Variants in SLIT2 observed in about 807,000 individuals in gnomAD.
SLIT2 encodes the protein slit homolog 2 protein.
A neutral mutation model predicts 185.7 loss-of-function variants in SLIT2; 41 were observed. The ratio of observed to expected loss-of-function variants is 0.22; its 90% CI spans 0.17 to 0.29. SLIT2 has a LOEUF of 0.29. Ranked by LOEUF, SLIT2 falls within the 10% of genes least tolerant of loss-of-function variation. The probability of loss-of-function intolerance (pLI) is 1.00; values close to 1 mark genes in which losing one functional copy is unlikely to be tolerated. For synonymous variants in SLIT2, 693 were observed against 680.2 expected, an observed-to-expected ratio of 1.02 and a Z score of -0.29; for missense variants, 1,571 against 1,909.0, an observed-to-expected ratio of 0.82 and a Z score of 3.30.
chr4:20,588,807 G>A (rs765371977), intron 29 of SLIT2, among the ~76,000 whole-genome samples: 3 of 152,128 alleles, frequency 2.0e-5, no homozygotes, highest in Non-Finnish European at 2.9e-5. Flanking sequence ...TAGAATCTGC[G>A]TGGTTATGCC....
intron 4 of SLIT2, among the ~76,000 whole-genome samples, chr4:20,300,378 A>G (rs1443687886): frequency 6.6e-6 from 1 of 152,144 alleles, no homozygotes; most frequent in Non-Finnish European, 1.5e-5. Flanking sequence ...TAAGATTACA[A>G]AAACATTCAA....
chr4:20,547,576 G>A (rs1192509299), intron 22 of SLIT2, among the ~76,000 whole-genome samples: 2 of 151,608 alleles, frequency 1.3e-5, no homozygotes, highest in Non-Finnish European at 2.9e-5. Flanking sequence ...TTTTAATAAA[G>A]GAATAGATTA....
intron 4 of SLIT2, among the ~76,000 whole-genome samples, chr4:20,419,001 T>C (rs1727938720): frequency 6.6e-6 from 1 of 152,198 alleles, no homozygotes; most frequent in Non-Finnish European, 1.5e-5. Context: ...CTGTTTCCCT[T>C]AAATGCATAC....
At chr4:20,486,991 A>C (rs1717303893) in intron 7 of SLIT2, among the ~76,000 whole-genome samples, 1 of 151,986 alleles carries the variant, frequency 6.6e-6, no homozygotes, top group African/African-American at 2.4e-5. Flanking sequence ...CAAAGCATCA[A>C]ACTTCTTGAA....
rs1560452564 is a variant in SLIT2, at chr4:20,472,266, A to ATG, written c.467+4443_467+4444insTG. On this transcript the variant is annotated intron_variant, in intron 5 of 36. Transcript: ENST00000504154. The stretch of plus-strand genomic sequence containing the variant: ...TATATCTATATATAGATCTATATAT[A>ATG]GATATATATCTATATATATAGATAT... Among the ~76,000 whole-genome samples the ATG allele has an allele frequency of 1.8e-4, 9 of 50,466 alleles. 1 individual carries two copies. The East Asian group carries it at 8.6e-3, about 48-fold the overall frequency. 33.1% of individuals were successfully genotyped at this position (50,466 alleles called of 152,430 possible). A position where few individuals can be genotyped will look rare whatever the true frequency, so the allele number is the denominator to read the frequency against.
chr4:20,604,360 T>A (rs895162372), intron 33 of SLIT2, among the ~76,000 whole-genome samples: 1 of 152,242 alleles, frequency 6.6e-6, no homozygotes, highest in Admixed American at 6.5e-5. Flanking sequence ...AGATATCTTT[T>A]CTTTTTGGAG....
chr4:20,589,048 A>T (rs1004665554), intron 29 of SLIT2, among the ~76,000 whole-genome samples: 1 of 152,142 alleles, frequency 6.6e-6, no homozygotes, highest in Non-Finnish European at 1.5e-5. Context: ...ATTTGAGAAT[A>T]TTTTTTTCAA....
At chr4:20,494,144 G>A (rs1375708971) in intron 9 of SLIT2, among the ~76,000 whole-genome samples, 2 of 152,210 alleles carry the variant, frequency 1.3e-5, no homozygotes, top group Non-Finnish European at 1.5e-5. Flanking sequence ...TTGACAAAAG[G>A]AGAGAATGCA....
intron 33 of SLIT2, among the ~76,000 whole-genome samples, chr4:20,603,870 CAG>C (rs1728590960): frequency 6.6e-6 from 1 of 152,206 alleles, no homozygotes. Flanking sequence ...AGAGAGTAGA[CAG>C]AATCTATATG....
In SLIT2 at chr4:20,533,693, G is replaced by T. The variant is rs2148865072; in HGVS notation, c.1810G>T (p.Gly604Ter). 1 of 1,612,068 alleles carries T rather than the reference G, an allele frequency of 6.2e-7. No individual in the cohort carries two copies. Among genetic ancestry groups the T allele is most frequent in the Non-Finnish European group, 8.5e-7 (1 of 1,179,472 alleles). ...LENVQHKMFK[G>*]LESLKTLMLR... ...AAATGTGCAGCATAAGATGTTCAAG[G>T]GATTGGAAAGCCTCAAAACTTTGTA... Residue 604 changes from glycine (G) to a stop codon, truncating the protein, a stop_gained, in exon 18 of 37, where the codon GGA (glycine) becomes TGA (stop). Transcript: ENST00000504154. LOFTEE classifies it high-confidence loss of function.
intron 4 of SLIT2, among the ~76,000 whole-genome samples, chr4:20,402,453 A>G (rs1330981166): frequency 6.6e-6 from 1 of 151,848 alleles, no homozygotes; most frequent in Non-Finnish European, 1.5e-5. Context: ...GCTCTTGAAA[A>G]TTTCATGTTT....
chr4:20,325,017 T>G (rs1719439266), intron 4 of SLIT2, among the ~76,000 whole-genome samples: 1 of 152,076 alleles, frequency 6.6e-6, no homozygotes, highest in Non-Finnish European at 1.5e-5. Flanking sequence ...TCAGGCAGGC[T>G]TTTTCTCACC....
chr4:20,263,038 T>C (rs191152660), intron 3 of SLIT2, among the ~76,000 whole-genome samples: 5 of 151,916 alleles, frequency 3.3e-5, no homozygotes, highest in Admixed American at 3.3e-4. Context: ...TCCCCTGAAA[T>C]GAGTAGTTTA....
chr4:20,426,763 AATG>A (rs1728589890), intron 4 of SLIT2, among the ~76,000 whole-genome samples: 1 of 152,186 alleles, frequency 6.6e-6, no homozygotes, highest in Non-Finnish European at 1.5e-5. Flanking sequence ...GTTATTTGAT[AATG>A]ATGATAAAAA....
At chr4:20,368,902 A>G (rs1250356780) in intron 4 of SLIT2, among the ~76,000 whole-genome samples, 1 of 152,144 alleles carries the variant, frequency 6.6e-6, no homozygotes, top group African/African-American at 2.4e-5. Context: ...TCACACTCAG[A>G]CATACAAAAA....
chr4:20,264,679 C>T (rs7692329), intron 3 of SLIT2, among the ~76,000 whole-genome samples: 64,095 of 151,540 alleles, frequency 0.42, 14,460 homozygotes, highest in East Asian at 0.77. Context: ...TTTCAGAGGC[C>T]AGTGGTGTTT....
At chr4:20,324,093 G>A (rs1356972114) in intron 4 of SLIT2, among the ~76,000 whole-genome samples, 1 of 152,138 alleles carries the variant, frequency 6.6e-6, no homozygotes, top group Non-Finnish European at 1.5e-5. Context: ...GAGCATAGGG[G>A]TGGCGAAACA....
intron 8 of SLIT2, chr4:20,490,781 CT>C: frequency 1.3e-6 from 2 of 1,497,944 alleles, no homozygotes; most frequent in Non-Finnish European, 1.8e-6. Context: ...TCTCTCTTCA[CT>C]TTTTCCTTTC....
intron 4 of SLIT2, among the ~76,000 whole-genome samples, chr4:20,302,775 G>A (rs186942815): frequency 5.0e-4 from 76 of 152,260 alleles, no homozygotes; most frequent in African/African-American, 1.7e-3. Context: ...AGGCCTTGGT[G>A]CAATTCTAAA....
Sources: gnomAD v4.1 joint callset for allele counts (sites outside exome capture counted in the v4.1 genomes callset) on GRCh38, gnomAD v4.1.1 for gene constraint, MANE v1.5 for transcripts, NCBI Gene and HGNC (gene_info 2026-07-23, HGNC 2026-07-21) for gene names.